C3: variants seen among roughly 807,000 people sequenced by gnomAD.
The protein encoded by C3 is C3 and PZP-like alpha-2-macroglobulin domain-containing protein 1.
C3 carries 97 observed loss-of-function variants against 207.9 expected under a neutral mutation model. The ratio of observed to expected loss-of-function variants is 0.47; its 90% CI spans 0.40 to 0.55. The LOEUF is 0.55. Among genes scored for constraint, C3 ranks in the 20% least tolerant of loss-of-function variants. The pLI, the probability that C3 is intolerant of heterozygous loss-of-function variation, is 0.00. For synonymous variants in C3, 848 were observed against 857.6 expected (o/e 0.99, Z 0.20); for missense variants, 1,684 against 2,171.7 (o/e 0.78, Z 4.46).
At chr19:6,693,290 C>T in intron 25 of C3, 122 bp downstream of exon 25, 2 of 1,143,480 alleles carry the variant, frequency 1.7e-6, no homozygotes, top group South Asian at 2.6e-5. Flanking sequence ...TGCCTGGACT[C>T]TGCAGGTCCA....
rs1968112890 is a variant in C3 at position 6,719,156 on chromosome 19, G to A, written c.267+55C>T. On this transcript the variant is annotated intron_variant, in intron 2 of 40. Transcript: ENST00000245907. This position sits in a 1 kb window ranked among gnomAD's most constrained non-coding sequence, Gnocchi z 5.4. ...GAAGGGGAGGGGCTCAGGAGGAGGG[G>A]GGGAGTGGGCGTGGCTGTGGGTGTC... 2 of 1,456,970 alleles carry A rather than the reference G, an allele frequency of 1.4e-6. No individual in the cohort carries two copies. Among genetic ancestry groups the A allele is most frequent in the Middle Eastern group, 1.8e-4 (1 of 5,616 alleles). The allele number at this position is 1,456,970 out of a possible 1,614,324, so 90.3% of individuals were successfully genotyped here. A position where few individuals can be genotyped will look rare whatever the true frequency, so the allele number is the denominator to read the frequency against.
intron 36 of C3, 63 bp downstream of exon 36, chr19:6,680,095 A>G: frequency 2.3e-6 from 2 of 884,762 alleles, no homozygotes; most frequent in Middle Eastern, 2.6e-4. Flanking sequence ...CACAATTCAT[A>G]TATACCTGGG....
At chr19:6,717,722 T>TTGTGTTGTG (rs1968067372) in intron 4 of C3, 3 of 391,550 alleles carry the variant, frequency 7.7e-6, no homozygotes, top group African/African-American at 7.3e-5. Context: ...ATGTTGTGTA[T>TTGTGTTGTG]TGTGTTGTGT....
At chr19:6,710,573 GGAGAGA>G (rs112132860) in intron 13 of C3, 60 bp downstream of exon 13, 133 of 1,028,498 alleles carry the variant, frequency 1.3e-4, no homozygotes, top group African/African-American at 4.3e-4. Context: ...GAGGAGACAG[GGAGAGA>G]GAGAGAGAGA....
intron 19 of C3, among the ~76,000 whole-genome samples, chr19:6,699,705 C>G (rs888416328): frequency 6.6e-6 from 1 of 151,262 alleles, no homozygotes; most frequent in Non-Finnish European, 1.5e-5. Context: ...AATTGTAAAA[C>G]ACATGCTGGA....
chr19:6,693,859 A>G (rs1039307311), intron 24 of C3, among the ~76,000 whole-genome samples: 3 of 151,972 alleles, frequency 2.0e-5, no homozygotes, highest in African/African-American at 7.3e-5. Context: ...TGTGGCCTTG[A>G]GAAGATGTGG....
rs765001904 is a variant in C3, at chr19:6,678,135, G to T, written c.4850+17C>A. The T allele has an allele frequency of 2.6e-5, 42 of 1,614,202 alleles. No individual in the cohort carries two copies. The highest frequency in any genetic ancestry group is 3.6e-5 in the Non-Finnish European group (42 of 1,180,028). The stretch of plus-strand genomic sequence containing the variant: ...GGCAGTCGGGCGGTCGCGCGCACGC[G>T]CAGGGAAAGCACTCACTTGGGCTTC... On this transcript the variant is annotated intron_variant, in intron 40 of 40. Transcript: ENST00000245907.
chr19:6,719,396 T>C lies in C3; in HGVS notation c.82A>G (p.Ile28Val). Residue 28 changes from isoleucine (I) to valine (V), a missense_variant, in exon 2 of 41, where the codon ATC (isoleucine) becomes GTC (valine). Ile to Val is a conservative substitution (Grantham distance 29). Around this residue, in one of 3 missense-constraint regions of C3, gnomAD observed 58 missense variants for 52.5 expected, o/e 1.10. Coordinates refer to ENST00000245907, the MANE Select transcript of C3 (RefSeq NM_000064.4). This position sits in a 1 kb window ranked among gnomAD's most constrained non-coding sequence, Gnocchi z 5.4. Reference sequence around the variant, plus strand: ...AGCCGCAAGATGTTGGGGGTGATGATAGAGTACCTGTCGGAGTGGGGCACG... The same window carrying C: ...AGCCGCAAGATGTTGGGGGTGATGACAGAGTACCTGTCGGAGTGGGGCACG... ...PLALGSPMYS[I>V]ITPNILRLES... 1 of 1,613,838 alleles carries C rather than the reference T, an allele frequency of 6.2e-7. No homozygotes were observed. Among genetic ancestry groups the C allele is most frequent in the Non-Finnish European group, 8.5e-7 (1 of 1,179,872 alleles).
chr19:6,708,689 C>CTT (rs34659937), intron 14 of C3, among the ~76,000 whole-genome samples: 76 of 126,048 alleles, frequency 6.0e-4, no homozygotes, highest in Middle Eastern at 4.1e-3. Flanking sequence ...TCTTTCCATT[C>CTT]TTTTTTTTTT....
At chr19:6,684,258 T>C in intron 33 of C3, 130 bp downstream of exon 33, 1 of 821,494 alleles carries the variant, frequency 1.2e-6, no homozygotes, top group Admixed American at 1.7e-5. Flanking sequence ...TACCTCATGG[T>C]GGATACTTAG....
At chr19:6,710,570 CA>C (rs1967896955) in intron 13 of C3, 68 bp downstream of exon 13, 10 of 1,131,506 alleles carry the variant, frequency 8.8e-6, no homozygotes, top group South Asian at 8.0e-5. Flanking sequence ...AGAGAGGAGA[CA>C]GGGAGAGAGA....
intron 35 of C3, among the ~76,000 whole-genome samples, chr19:6,681,087 C>G (rs969025982): frequency 1.3e-5 from 2 of 151,886 alleles, no homozygotes; most frequent in African/African-American, 4.8e-5. Context: ...TATGAAGAAA[C>G]AAGAACAAAA....
At chr19:6,714,285 G>A (rs374584857) in intron 5 of C3, 37 bp from the exon 6 acceptor site, 22 of 1,611,220 alleles carry the variant, frequency 1.4e-5, no homozygotes, top group Admixed American at 1.7e-5. Context: ...CTCAGGCCTC[G>A]GAGCCCCCCT....
In C3 at chr19:6,713,216, C is replaced by A; in HGVS notation, c.976G>T (p.Val326Leu). 1 of 1,613,742 alleles carries A rather than the reference C, an allele frequency of 6.2e-7. No individual in the cohort carries two copies. The highest frequency in any genetic ancestry group is 1.1e-5 in the South Asian group (1 of 91,084). Residue 326 changes from valine (V) to leucine (L), a missense_variant, in exon 9 of 41, where the codon GTG becomes TTG. This residue lies in a region of C3 where 1,280 missense variants were observed against 1,739.1 expected (regional missense o/e 0.74). Transcript: ENST00000245907. The part of the protein sequence containing the change: ...AEDLVGKSLY[V>L]SATVILHSGS... ...GAGTGCAAGATGACGGTGGCAGACACGTACAAAGACTTCCCCACCAGGTCT... is the reference window on the plus strand; with the variant it reads ...GAGTGCAAGATGACGGTGGCAGACAAGTACAAAGACTTCCCCACCAGGTCT...
intron 24 of C3, 135 bp from the exon 25 acceptor site, chr19:6,693,622 AAAAAGGGAAG>A: frequency 2.6e-6 from 2 of 760,520 alleles, no homozygotes; most frequent in Non-Finnish European, 4.5e-6. Context: ...AGGGGACCTT[AAAAAGGGAAG>A]GACTCAAAGA....
At chr19:6,715,994 G>T (rs763231508) in intron 4 of C3, among the ~76,000 whole-genome samples, 13 of 152,132 alleles carry the variant, frequency 8.5e-5, no homozygotes, top group African/African-American at 2.4e-5. Flanking sequence ...TGGTTAGCAG[G>T]AGACATCTAA....
At chr19:6,707,666 G>T in intron 15 of C3, 129 bp from the exon 16 acceptor site, 1 of 1,524,656 alleles carries the variant, frequency 6.6e-7, no homozygotes, top group Non-Finnish European at 9.1e-7. Flanking sequence ...CTGAGGCTCA[G>T]AGGGGAGGGA....
Position 6,718,099 on chromosome 19 carries a change from T to C in C3, c.499A>G (p.Ile167Val). 2.5e-6 allele frequency: 4 copies of C among 1,614,114 alleles called. No homozygotes were observed. The highest frequency in any genetic ancestry group is 3.4e-6 in the Non-Finnish European group (4 of 1,180,014). ...LPVGRTVMVN[I>V]ENPEGIPVKQ... ...GGGCCCCCTCTGGCTGGCACCTCAATGTTGACCATGACCGTCCGGCCCACG... is the reference window on the plus strand; with the variant it reads ...GGGCCCCCTCTGGCTGGCACCTCAACGTTGACCATGACCGTCCGGCCCACG... The change falls in exon 4 of 41, where the codon ATT becomes GTT. Residue 167 changes from isoleucine (I) to valine (V), a missense_variant. By Grantham distance (29) the Ile-to-Val change is conservative (BLOSUM62 3). Transcript: ENST00000245907.
chr19:6,680,924 T>C (rs1383964999), intron 35 of C3, among the ~76,000 whole-genome samples: 4 of 151,858 alleles, frequency 2.6e-5, no homozygotes, highest in Non-Finnish European at 5.9e-5. Flanking sequence ...AGGTGGCAGG[T>C]GTGGTGGCTC....
Sources: allele counts gnomAD v4.1 joint callset (sites outside exome capture counted in the v4.1 genomes callset), GRCh38; gene constraint gnomAD v4.1.1; regional missense constraint gnomAD v4.1.1; non-coding constraint Gnocchi (gnomAD v3.1); transcripts MANE v1.5; gene names NCBI Gene and HGNC (gene_info 2026-07-23, HGNC 2026-07-21).